GNAL: variants seen among roughly 807,000 people sequenced by gnomAD.
GNAL encodes G protein subunit alpha L.
GNAL carries 18 observed loss-of-function variants against 55.1 expected under a neutral mutation model. The ratio of observed to expected loss-of-function variants is 0.33; its 90% confidence interval spans 0.23 to 0.48. The LOEUF (loss-of-function observed/expected upper bound fraction) is 0.48, where lower values mean the gene tolerates loss of function less well. Among genes scored for constraint, GNAL ranks in the 20% least tolerant of loss-of-function variants. GNAL has a pLI of 0.99. For missense variants in GNAL, 412 were observed against 614.1 expected, an observed-to-expected ratio of 0.67 and a Z score of 3.48; for synonymous variants, 253 against 237.0, an observed-to-expected ratio of 1.07 and a Z score of -0.62.
At chr18:11,809,866 T>C (rs1446959945) in intron 4 of GNAL, among the ~76,000 whole-genome samples, 1 of 152,268 alleles carries the variant, frequency 6.6e-6, no homozygotes, top group Non-Finnish European at 1.5e-5. Flanking sequence ...TGTTTGAATT[T>C]CTTTGGACAA....
chr18:11,803,011 C>T (rs755237752), intron 4 of GNAL, among the ~76,000 whole-genome samples: 10 of 152,148 alleles, frequency 6.6e-5, no homozygotes, highest in Non-Finnish European at 1.5e-4. Flanking sequence ...TTAGGTTTCA[C>T]TTGGAGATGG....
intron 5 of GNAL, among the ~76,000 whole-genome samples, chr18:11,839,380 CTAAAAG>C (rs900506399): frequency 2.7e-5 from 4 of 149,144 alleles, no homozygotes; most frequent in African/African-American, 9.9e-5. Context: ...CTCATCTCTA[CTAAAAG>C]TAAAAAAAAA....
At chr18:11,839,282 G>A (rs918145932) in intron 5 of GNAL, among the ~76,000 whole-genome samples, 4 of 151,824 alleles carry the variant, frequency 2.6e-5, no homozygotes, top group Admixed American at 6.6e-5. Flanking sequence ...AGTGGCTCAC[G>A]CCTGTAATCT....
At chr18:11,816,083 C>T (rs754022793) in intron 4 of GNAL, among the ~76,000 whole-genome samples, 10 of 152,132 alleles carry the variant, frequency 6.6e-5, no homozygotes, top group Admixed American at 2.0e-4. Context: ...AAAACTTAAA[C>T]GTTCACTTAC....
chr18:11,862,308 C>T (rs1278518742), intron 5 of GNAL, 87 bp from the exon 6 acceptor site: 1 of 990,720 alleles, frequency 1.0e-6, no homozygotes, highest in Non-Finnish European at 1.6e-6. Flanking sequence ...CCTTGCTGTA[C>T]TTGGGTGATG....
intron 1 of GNAL, among the ~76,000 whole-genome samples, chr18:11,690,320 G>T (rs911825462): frequency 6.6e-6 from 1 of 152,160 alleles, no homozygotes; most frequent in Non-Finnish European, 1.5e-5. Context: ...ACACGAGGAG[G>T]CTGGCAGTTT....
At chr18:11,758,495 C>G (rs1227445953) in intron 4 of GNAL, among the ~76,000 whole-genome samples, 2 of 152,148 alleles carry the variant, frequency 1.3e-5, no homozygotes, top group African/African-American at 4.8e-5. Context: ...TAAAAAAACT[C>G]CAGTTATCTT....
At chr18:11,731,945 T>C (rs767072268) in intron 1 of GNAL, among the ~76,000 whole-genome samples, 3 of 152,234 alleles carry the variant, frequency 2.0e-5, no homozygotes, top group Non-Finnish European at 2.9e-5. Context: ...TCTTATAATA[T>C]GTGGTCTTTT....
intron 1 of GNAL, among the ~76,000 whole-genome samples, chr18:11,714,682 G>A (rs945322622): frequency 1.3e-5 from 2 of 152,182 alleles, no homozygotes; most frequent in Non-Finnish European, 2.9e-5. Flanking sequence ...GAATTTCCTT[G>A]TGAGCAGTTA....
intron 10 of GNAL, 69 bp from the exon 11 acceptor site, chr18:11,876,552 C>G: frequency 1.1e-6 from 1 of 937,704 alleles, no homozygotes; most frequent in Non-Finnish European, 1.8e-6. Flanking sequence ...GAAATTCCTT[C>G]TGTGTTTTCG....
intron 1 of GNAL, among the ~76,000 whole-genome samples, chr18:11,691,687 A>G (rs1447110510): frequency 6.6e-6 from 1 of 152,122 alleles, no homozygotes; most frequent in Non-Finnish European, 1.5e-5. Context: ...ATGGCTAGCC[A>G]GTTTTCCCAG....
Position 11,885,668 on chromosome 18 carries a change from C to G in GNAL, c.*4533C>G, listed in dbSNP as rs775596031. 2 of 1,608,566 alleles carry G rather than the reference C, an allele frequency of 1.2e-6. No homozygotes were observed. The highest frequency in any genetic ancestry group is 2.2e-5 in the East Asian group (1 of 44,716). Reference sequence around the variant, plus strand: ...AAGCTTTCAGACAAAAATAAACTTTCACGTTACCATGATGAAACTGGGGTT... The same window carrying G: ...AAGCTTTCAGACAAAAATAAACTTTGACGTTACCATGATGAAACTGGGGTT... On this transcript the variant is annotated 3_prime_UTR_variant, in exon 12 of 12. Coordinates refer to ENST00000334049, the MANE Select transcript of GNAL (RefSeq NM_182978.4).
chr18:11,715,844 T>C (rs763185884), intron 1 of GNAL, among the ~76,000 whole-genome samples: 3 of 151,340 alleles, frequency 2.0e-5, no homozygotes, highest in Non-Finnish European at 4.4e-5. Context: ...AAGTTCTAGA[T>C]AGATTTTGAA....
chr18:11,730,380 G>A lies in GNAL; in HGVS notation c.377-22473G>A, dbSNP rs566331120. ...TCCCCACGTTGGCCACGCTGGTCTC[G>A]AACTCCTGATCTCAGGTAATCTGCC... On this transcript the variant is annotated intron_variant, in intron 1 of 11. Coordinates refer to ENST00000334049, the MANE Select transcript of GNAL (RefSeq NM_182978.4). Among the ~76,000 whole-genome samples the A allele has an allele frequency of 2.6e-5, 4 of 151,848 alleles. No individual in the cohort carries two copies. In the East Asian group the frequency reaches 5.9e-4, roughly 22 times the overall value.
chr18:11,693,749 T>G (rs1397184625), intron 1 of GNAL, among the ~76,000 whole-genome samples: 2 of 151,400 alleles, frequency 1.3e-5, no homozygotes, highest in East Asian at 3.9e-4. Flanking sequence ...GTCTTTTTTT[T>G]TTTTTTTTTT....
chr18:11,719,292 A>AT (rs530138533), intron 1 of GNAL, among the ~76,000 whole-genome samples: 25 of 150,474 alleles, frequency 1.7e-4, no homozygotes, highest in African/African-American at 4.6e-4. Flanking sequence ...TTTGATGTGG[A>AT]TTTTTTTTTT....
rs1487811020 is a variant in GNAL, at chr18:11,699,169, C to T, written c.376+9230C>T. ...CCCAGGATAATTTACTTTGAGTCTA[C>T]ATTTATCTATTTATTTTTAATTTTA... On this transcript the variant is annotated intron_variant, in intron 1 of 11. Transcript: ENST00000334049. Among the ~76,000 whole-genome samples, 5 of 152,080 alleles carry T rather than the reference C, an allele frequency of 3.3e-5. No homozygotes were observed. The East Asian group carries it at 7.7e-4, about 24-fold the overall frequency.
At chr18:11,785,019 A>G (rs557938756) in intron 4 of GNAL, among the ~76,000 whole-genome samples, 1 of 152,350 alleles carries the variant, frequency 6.6e-6, no homozygotes, top group South Asian at 2.1e-4. Context: ...AAAGTTTCAG[A>G]TAGTGTAACA....
chr18:11,851,254 G>T (rs1380216800), intron 5 of GNAL: 2 of 457,872 alleles, frequency 4.4e-6, no homozygotes, highest in Admixed American at 4.0e-5. Context: ...CCGCCGCAGC[G>T]CCGGAGCGTC....
Sources: gnomAD v4.1 joint callset for allele counts (sites outside exome capture counted in the v4.1 genomes callset) on GRCh38, gnomAD v4.1.1 for gene constraint, MANE v1.5 for transcripts, NCBI Gene and HGNC (gene_info 2026-07-23, HGNC 2026-07-21) for gene names.